The following HEMK2 variants were observed in gnomAD, a reference collection of about 807,000 sequenced individuals.
HEMK2 encodes the protein HemK methyltransferase 2, ETF1 glutamine and histone H4 lysine.
chr21:28,783,279 G>A, the HEMK2 span, among the ~76,000 whole-genome samples: 8 of 152,000 alleles, frequency 5.3e-5, no homozygotes, highest in African/African-American at 1.9e-4. Flanking sequence ...CTGCCTCCTG[G>A]GTTCAAGCAA....
the HEMK2 span, among the ~76,000 whole-genome samples, chr21:28,704,397 T>C: frequency 2.0e-5 from 3 of 152,126 alleles, no homozygotes; most frequent in African/African-American, 7.2e-5. Context: ...GGTTAAAGGT[T>C]TGCTTTTTTT....
chr21:28,636,274 C>T, the HEMK2 span, among the ~76,000 whole-genome samples: 7 of 152,084 alleles, frequency 4.6e-5, no homozygotes, highest in East Asian at 1.9e-4. Context: ...AGACACTATT[C>T]TCTAGCCACA....
At chr21:28,718,411 A>T in the HEMK2 span, among the ~76,000 whole-genome samples, 2 of 152,206 alleles carry the variant, frequency 1.3e-5, no homozygotes, top group Non-Finnish European at 2.9e-5. Flanking sequence ...TATTGGCTGA[A>T]GTAGTCTGTA....
At chr21:28,878,418 CA>C in the HEMK2 span, 12 of 1,497,418 alleles carry the variant, frequency 8.0e-6, no homozygotes, top group East Asian at 2.3e-5. Flanking sequence ...GTAATATCAC[CA>C]AAAAAGTATA....
chr21:28,744,886 A>G, the HEMK2 span, among the ~76,000 whole-genome samples: 1 of 150,130 alleles, frequency 6.7e-6, no homozygotes, highest in Admixed American at 6.8e-5. Flanking sequence ...AAACACTTTT[A>G]TGGGGTTTTT....
the HEMK2 span, among the ~76,000 whole-genome samples, chr21:28,682,348 T>C: frequency 2.6e-5 from 4 of 151,050 alleles, no homozygotes; most frequent in South Asian, 4.2e-4. Flanking sequence ...AAAACCACAA[T>C]GAGATACCAT....
At chr21:28,703,120 G>C in the HEMK2 span, among the ~76,000 whole-genome samples, 1 of 152,056 alleles carries the variant, frequency 6.6e-6, no homozygotes, top group African/African-American at 2.4e-5. Context: ...GTGTACACAT[G>C]GACACAAAGA....
At chr21:28,816,088 T>C in the HEMK2 span, among the ~76,000 whole-genome samples, 1 of 152,186 alleles carries the variant, frequency 6.6e-6, no homozygotes, top group South Asian at 2.1e-4. Flanking sequence ...AGATGGCATC[T>C]GAAGACAAGA....
chr21:28,620,653 CTCTTT>C, the HEMK2 span, among the ~76,000 whole-genome samples: 29 of 89,408 alleles, frequency 3.2e-4, no homozygotes, highest in African/African-American at 1.3e-3. Context: ...TGATTCTTCT[CTCTTT>C]TCTTTTTTTT....
the HEMK2 span, among the ~76,000 whole-genome samples, chr21:28,865,633 C>G: frequency 6.6e-6 from 1 of 152,320 alleles, no homozygotes; most frequent in South Asian, 2.1e-4. Context: ...AACCCTGGAC[C>G]TAGCCAGACT....
the HEMK2 span, among the ~76,000 whole-genome samples, chr21:28,768,391 T>A: frequency 6.8e-6 from 1 of 146,378 alleles, no homozygotes; most frequent in Non-Finnish European, 1.5e-5. Context: ...CAGTTTGTGC[T>A]CACCTTATTT....
chr21:28,733,271 T>A, the HEMK2 span, among the ~76,000 whole-genome samples: 2 of 152,152 alleles, frequency 1.3e-5, no homozygotes, highest in Admixed American at 1.3e-4. Flanking sequence ...AGAGCAAGAC[T>A]CCGTCTCAAA....
At chr21:28,777,633 C>T in the HEMK2 span, among the ~76,000 whole-genome samples, 1 of 152,092 alleles carries the variant, frequency 6.6e-6, no homozygotes, top group Non-Finnish European at 1.5e-5. Context: ...TTAGGATAGA[C>T]CAGCAACTGT....
chr21:28,594,861 C>T, the HEMK2 span, among the ~76,000 whole-genome samples: 2 of 152,160 alleles, frequency 1.3e-5, no homozygotes, highest in African/African-American at 2.4e-5. Flanking sequence ...AACCATATTG[C>T]TGCATCGTTC....
the HEMK2 span, among the ~76,000 whole-genome samples, chr21:28,597,079 A>C: frequency 6.6e-6 from 1 of 152,192 alleles, no homozygotes; most frequent in African/African-American, 2.4e-5. Flanking sequence ...TTCTGCTCTG[A>C]TGAAAGAAAC....
At chr21:28,660,364 C>G in the HEMK2 span, among the ~76,000 whole-genome samples, 4 of 151,730 alleles carry the variant, frequency 2.6e-5, no homozygotes, top group African/African-American at 4.8e-5. Flanking sequence ...TGTTCCTAAT[C>G]TCAAAGGCAA....
chr21:28,626,042 C>T, the HEMK2 span, among the ~76,000 whole-genome samples: 10 of 151,822 alleles, frequency 6.6e-5, no homozygotes, highest in Admixed American at 2.0e-4. Flanking sequence ...TGAAATATAC[C>T]AGGATTGAAA....
the HEMK2 span, among the ~76,000 whole-genome samples, chr21:28,715,295 G>A: frequency 6.6e-6 from 1 of 151,978 alleles, no homozygotes; most frequent in Non-Finnish European, 1.5e-5. Context: ...AGCCTTGCAA[G>A]CATCTGTTAT....
At chr21:28,740,114 C>T in the HEMK2 span, among the ~76,000 whole-genome samples, 51 of 152,348 alleles carry the variant, frequency 3.3e-4, no homozygotes, top group African/African-American at 1.2e-3. Context: ...ACTTTCCAAA[C>T]ACCCAGTGTA....
Sources: allele counts gnomAD v4.1 joint callset (sites outside exome capture counted in the v4.1 genomes callset), GRCh38; gene constraint gnomAD v4.1.1; transcripts MANE v1.5; gene names NCBI Gene and HGNC (gene_info 2026-07-23, HGNC 2026-07-21).